SYNDIG1L: variants seen among roughly 807,000 people sequenced by gnomAD.
SYNDIG1L encodes the protein synapse differentiation-inducing gene protein 1-like.
In SYNDIG1L, 13 loss-of-function variants were observed where a neutral mutation model predicts 20.1. That is an observed-to-expected ratio of 0.65 (90% CI 0.42 to 1.03). SYNDIG1L has a LOEUF of 1.03. SYNDIG1L is among the 50% of genes least tolerant of loss of function. The pLI, the probability that SYNDIG1L is intolerant of heterozygous loss-of-function variation, is 0.00. For synonymous variants in SYNDIG1L, 128 were observed against 129.3 expected (o/e 0.99, Z 0.07); for missense variants, 294 against 305.1 (o/e 0.96, Z 0.27).
At chr14:74,443,920 T>G in the SYNDIG1L span, among the ~76,000 whole-genome samples, 1 of 152,206 alleles carries the variant, frequency 6.6e-6, no homozygotes, top group Non-Finnish European at 1.5e-5. Flanking sequence ...TTCAGTTACA[T>G]TTCATGAAGC....
chr14:74,420,331 G>C (rs541874503), intron 1 of SYNDIG1L, among the ~76,000 whole-genome samples: 4 of 150,008 alleles, frequency 2.7e-5, no homozygotes, highest in South Asian at 4.2e-4. Flanking sequence ...GGGAGGCGGA[G>C]GTTGCAGTGA....
In SYNDIG1L at chr14:74,407,731, C is replaced by T. The variant is rs533794900; in HGVS notation, c.559-38G>A. 32 of 1,577,938 alleles carry T rather than the reference C, an allele frequency of 2.0e-5. No individual in the cohort carries two copies. The South Asian group carries it at 3.3e-4, about 16-fold the overall frequency. On this transcript the variant is annotated intron_variant, in intron 3 of 3. Coordinates refer to ENST00000331628, the MANE Select transcript of SYNDIG1L (RefSeq NM_001105579.2). ...ACATGCTGATGAACAGGAGTGTCCC[C>T]ACACCCAGCCAAACAGCCCAGCCTG... is the stretch of plus-strand genomic sequence containing the variant.
upstream of SYNDIG1L, among the ~76,000 whole-genome samples, chr14:74,426,392 G>T (rs2086266979): frequency 6.6e-6 from 1 of 151,932 alleles, no homozygotes; most frequent in South Asian, 2.1e-4. Context: ...CGAAGCGAGG[G>T]GCGCGCAGCT....
At chr14:74,438,971 A>G in the SYNDIG1L span, among the ~76,000 whole-genome samples, 8 of 152,130 alleles carry the variant, frequency 5.3e-5, no homozygotes, top group Non-Finnish European at 1.0e-4. Context: ...AAAATTAGTC[A>G]GGCGTGGTGG....
At position 74,407,002 on chromosome 14, in the gene SYNDIG1L, C is replaced by T. The variant is rs945624408; in HGVS notation, c.*533G>A. 1.8e-4 allele frequency: 28 copies of T among 159,042 alleles called. No homozygotes were observed. The highest frequency in any genetic ancestry group is 2.5e-4 in the Non-Finnish European group (18 of 71,814). 9.9% of individuals were successfully genotyped at this position (159,042 alleles called of 1,614,324 possible). On this transcript the variant is annotated 3_prime_UTR_variant, in exon 4 of 4. Coordinates refer to ENST00000331628, the MANE Select transcript of SYNDIG1L (RefSeq NM_001105579.2). ...ACAGCAAGAGGCCCCCTTGCCTCCA[C>T]GTATTTCCTTCTTGGCCTGCTGAGG...
At chr14:74,414,118 T>C (rs1412728466) in intron 1 of SYNDIG1L, among the ~76,000 whole-genome samples, 1 of 152,196 alleles carries the variant, frequency 6.6e-6, no homozygotes, top group African/African-American at 2.4e-5. Context: ...AGAGCAATTA[T>C]CATCACCACC....
intron 1 of SYNDIG1L, among the ~76,000 whole-genome samples, chr14:74,419,629 A>G (rs910392714): frequency 2.0e-5 from 3 of 152,242 alleles, no homozygotes; most frequent in African/African-American, 2.4e-5. Flanking sequence ...ACTAGCAAAT[A>G]CAAAGTTTCA....
the SYNDIG1L span, among the ~76,000 whole-genome samples, chr14:74,455,375 C>G: frequency 6.6e-6 from 1 of 150,826 alleles, no homozygotes; most frequent in African/African-American, 2.4e-5. Context: ...GATGCCAGTA[C>G]CCTTCCTTCT....
the SYNDIG1L span, among the ~76,000 whole-genome samples, chr14:74,449,170 C>G: frequency 6.6e-6 from 1 of 151,194 alleles, no homozygotes; most frequent in Non-Finnish European, 1.5e-5. Flanking sequence ...GAGGTCAAGG[C>G]TGCAGGGAGT....
upstream of SYNDIG1L, among the ~76,000 whole-genome samples, chr14:74,427,943 G>A (rs1441719970): frequency 6.6e-6 from 1 of 152,192 alleles, no homozygotes; most frequent in African/African-American, 2.4e-5. Flanking sequence ...TCCATGCCTG[G>A]GCTGCATACT....
At chr14:74,409,264 TG>T in intron 2 of SYNDIG1L, 63 bp downstream of exon 2, 5 of 1,248,982 alleles carry the variant, frequency 4.0e-6, no homozygotes, top group Non-Finnish European at 3.2e-6. Flanking sequence ...TTTTTTTTTT[TG>T]TAGAGTCGGG....
chr14:74,476,065 T>C, the SYNDIG1L span: 1 of 204,140 alleles, frequency 4.9e-6, no homozygotes, highest in Non-Finnish European at 9.9e-6. Context: ...GTTACTTTGA[T>C]TGCAAAACAG....
At chr14:74,410,923 G>A (rs958501123) in intron 1 of SYNDIG1L, among the ~76,000 whole-genome samples, 3 of 152,156 alleles carry the variant, frequency 2.0e-5, no homozygotes, top group Admixed American at 1.3e-4. Flanking sequence ...ATCCCGTTTG[G>A]AAGTATGGAG....
At chr14:74,427,118 C>CTTTTTTTT (rs34437070), upstream of SYNDIG1L, among the ~76,000 whole-genome samples, 16 of 116,806 alleles carry the variant, frequency 1.4e-4, no homozygotes, top group African/African-American at 4.2e-4. Flanking sequence ...CCTGCGTTTC[C>CTTTTTTTT]TTTTTTTTTT....
upstream of SYNDIG1L, among the ~76,000 whole-genome samples, chr14:74,426,370 C>T (rs545776942): frequency 3.6e-3 from 547 of 151,760 alleles, 2 homozygotes; most frequent in African/African-American, 0.013. Context: ...CGGGGGAGCC[C>T]GGAGGAGGCG....
chr14:74,422,286 A>G (rs1234418953), intron 1 of SYNDIG1L, among the ~76,000 whole-genome samples: 1 of 152,090 alleles, frequency 6.6e-6, no homozygotes, highest in Admixed American at 6.5e-5. Flanking sequence ...AAGAGAAATG[A>G]GGACTTGACA....
chr14:74,457,053 T>C, the SYNDIG1L span, among the ~76,000 whole-genome samples: 3 of 152,332 alleles, frequency 2.0e-5, no homozygotes, highest in Non-Finnish European at 4.4e-5. Flanking sequence ...CGATGCATGC[T>C]AAGCATCTGG....
At chr14:74,460,513 C>T in the SYNDIG1L span, among the ~76,000 whole-genome samples, 18 of 152,234 alleles carry the variant, frequency 1.2e-4, no homozygotes, top group Admixed American at 7.9e-4. Flanking sequence ...GCACTTCGTG[C>T]TCTCCCCAGC....
chr14:74,413,716 G>A (rs1430288544), intron 1 of SYNDIG1L, among the ~76,000 whole-genome samples: 1 of 152,016 alleles, frequency 6.6e-6, no homozygotes, highest in African/African-American at 2.4e-5. Context: ...TAGGCTGAGG[G>A]GTTCTTTCTA....
Sources: allele counts gnomAD v4.1 joint callset (sites outside exome capture counted in the v4.1 genomes callset), GRCh38; gene constraint gnomAD v4.1.1; transcripts MANE v1.5; gene names NCBI Gene and HGNC (gene_info 2026-07-23, HGNC 2026-07-21).